Variants in PEG3 observed in about 807,000 individuals in gnomAD.
PEG3 encodes paternally-expressed gene 3 protein.
PEG3 carries 23 observed loss-of-function variants against 35.5 expected under a neutral mutation model. The observed-to-expected ratio is 0.65, with a 90% confidence interval of 0.47 to 0.92. The LOEUF (loss-of-function observed/expected upper bound fraction) is 0.92, where lower values mean the gene tolerates loss of function less well. PEG3 is among the 40% of genes least tolerant of loss of function. The pLI is 0.00. For missense variants in PEG3, 1,960 were observed against 1,985.3 expected (o/e 0.99, Z 0.24); for synonymous variants, 707 against 697.0 (o/e 1.01, Z -0.23).
In PEG3 at chr19:56,816,086, C is replaced by T. The variant is rs771509095; in HGVS notation, c.2356G>A (p.Glu786Lys). Residue 786 changes from glutamate (E) to lysine (K), a missense_variant, in exon 10 of 10, where the codon GAA becomes AAA. Physicochemically the swap from Glu to Lys is moderately conservative, Grantham distance 56. Around this residue, in one of 5 missense-constraint regions of PEG3, gnomAD observed 798 missense variants for 782.4 expected, o/e 1.02. Transcript: ENST00000326441. ...RSVIHSLASVEAQKSHSVAGP... is the reference protein window; with the variant it reads ...RSVIHSLASVKAQKSHSVAGP... The stretch of plus-strand genomic sequence containing the variant: ...GCTACACTGTGACTTTTCTGAGCTT[C>T]CACAGAGGCTAAGCTATGAATAACA... 1.9e-6 allele frequency: 3 copies of T among 1,605,018 alleles called. No individual in the cohort carries two copies. The highest frequency in any genetic ancestry group is 1.3e-5 in the African/African-American group (1 of 74,642).
rs1385156509 is a variant in PEG3, at chr19:56,815,993, T to C, written c.2449A>G (p.Arg817Gly). The C allele has an allele frequency of 6.3e-7, 1 of 1,587,652 alleles. No homozygotes were observed. The highest frequency in any genetic ancestry group is 8.6e-7 in the Non-Finnish European group (1 of 1,167,526). The part of the protein sequence containing the change: ...IQSFDAINHQ[R>G]VRAGGNTSEG... ...GAGGTGTTCCCTCCAGCACGAACTC[T>C]CTGATGGTTGATAGCATCGAAGCTC... The change falls in exon 10 of 10, where the codon AGA (arginine) becomes GGA (glycine). Residue 817 changes from arginine (R) to glycine (G), a missense_variant. Coordinates refer to ENST00000326441, the MANE Select transcript of PEG3 (RefSeq NM_006210.3).
rs1215809911 is a variant in PEG3 at position 56,810,907 on chromosome 19, T to A, written c.*2768A>T. ...ACCAATGGAGACACACATAATACAC[T>A]GTTATCAGGACATTATTATAGGGAA... is the stretch of plus-strand genomic sequence containing the variant. On this transcript the variant is annotated 3_prime_UTR_variant, in exon 10 of 10. Transcript: ENST00000326441. 2.1e-6 allele frequency: 2 copies of A among 962,798 alleles called. No homozygotes were observed. The highest frequency in any genetic ancestry group is 3.5e-5 in the African/African-American group (2 of 56,738). 59.6% of individuals were successfully genotyped at this position (962,798 alleles called of 1,614,324 possible).
chr19:56,832,184 A>G (rs979674427), intron 2 of PEG3, among the ~76,000 whole-genome samples: 1 of 152,228 alleles, frequency 6.6e-6, no homozygotes, highest in Non-Finnish European at 1.5e-5. Flanking sequence ...AACTGAATAT[A>G]AAAATGTAAG....
intron 7 of PEG3, among the ~76,000 whole-genome samples, chr19:56,821,109 AC>A (rs1367186946): frequency 6.6e-6 from 1 of 152,236 alleles, no homozygotes; most frequent in Non-Finnish European, 1.5e-5. Flanking sequence ...TGTGCCAGGT[AC>A]TTTATGTATG....
rs746076413 is a variant in PEG3 at position 56,815,473 on chromosome 19, ATCT to A, written c.2966_2968del (p.Lys989del). On this transcript the variant is annotated inframe_deletion, in exon 10 of 10. Coordinates refer to ENST00000326441, the MANE Select transcript of PEG3 (RefSeq NM_006210.3). ...TCCAGAGGGCTTCTCCCTATCATGA[ATCT>A]TCTGGTGCTCAGTGAGGTCAGAGCT... 2 of 1,614,054 alleles carry A rather than the reference ATCT, an allele frequency of 1.2e-6. No homozygotes were observed. Among genetic ancestry groups the A allele is most frequent in the East Asian group, 4.5e-5 (2 of 44,860 alleles).
intron 1 of PEG3, among the ~76,000 whole-genome samples, chr19:56,838,766 GACCA>G (rs2062534653): frequency 1.3e-5 from 2 of 152,192 alleles, no homozygotes; most frequent in Non-Finnish European, 2.9e-5. Flanking sequence ...ACAGCCTGGC[GACCA>G]GCACACACAG....
intron 2 of PEG3, among the ~76,000 whole-genome samples, chr19:56,829,832 G>A (rs112927092): frequency 6.6e-6 from 1 of 152,212 alleles, no homozygotes; most frequent in African/African-American, 2.4e-5. Flanking sequence ...CTGTGACAGC[G>A]AGTCTGGCCA....
intron 4 of PEG3, 43 bp from the exon 5 acceptor site, chr19:56,823,722 T>A (rs1294533836): frequency 1.2e-6 from 2 of 1,608,500 alleles, no homozygotes; most frequent in African/African-American, 2.7e-5. Context: ...CTGGCCCACA[T>A]TCTCACAATA....
chr19:56,833,055 G>C (rs2061726658), intron 2 of PEG3: 1 of 439,370 alleles, frequency 2.3e-6, no homozygotes, highest in African/African-American at 2.0e-5. Context: ...GAAATGATGG[G>C]TCAGTGTTCA....
rs1309378250 is a variant in PEG3 at position 56,815,455 on chromosome 19, G to A, written c.2987C>T (p.Pro996Leu). Residue 996 changes from proline to leucine, a missense_variant, in exon 10 of 10, where the codon CCC (proline) becomes CTC (leucine). Transcript: ENST00000326441. ...EHQKIHDREK[P>L]SGSRNYEWSV... ...CCATTCATAGTTTCTGCTTCCAGAG[G>A]GCTTCTCCCTATCATGAATCTTCTG... is the stretch of plus-strand genomic sequence containing the variant. The A allele has an allele frequency of 1.2e-6, 2 of 1,613,934 alleles. No homozygotes were observed. Among genetic ancestry groups the A allele is most frequent in the Non-Finnish European group, 1.7e-6 (2 of 1,179,962 alleles).
rs113789472 is a variant in PEG3, at chr19:56,823,988, G to A, written c.394+274C>T. Reference sequence around the variant, plus strand: ...AGGAGGTTTTCTCCCTTCTACAGAAGTGTCTCCTTTCCCTCTCCTGACTCA... The same window carrying A: ...AGGAGGTTTTCTCCCTTCTACAGAAATGTCTCCTTTCCCTCTCCTGACTCA... On this transcript the variant is annotated intron_variant, in intron 4 of 9. Transcript: ENST00000326441. 6.9e-3 allele frequency among the ~76,000 whole-genome samples: 1,045 copies of A among 152,234 alleles called. 5 individuals are homozygous for A. Among genetic ancestry groups the A allele is most frequent in the African/African-American group, 0.023 (969 of 41,538 alleles).
intron 1 of PEG3, among the ~76,000 whole-genome samples, chr19:56,839,354 C>T (rs944302136): frequency 4.0e-5 from 6 of 151,586 alleles, no homozygotes; most frequent in Admixed American, 2.6e-4. Context: ...CCCTCTGCTA[C>T]CAACCAACCA....
chr19:56,823,715 G>A (rs1335056543), intron 4 of PEG3, 36 bp from the exon 5 acceptor site: 1 of 1,611,186 alleles, frequency 6.2e-7, no homozygotes, highest in Non-Finnish European at 8.5e-7. Flanking sequence ...ACTATCTCTG[G>A]CCCACATTCT....
chr19:56,833,372 G>C, intron 2 of PEG3: 2 of 356,210 alleles, frequency 5.6e-6, no homozygotes, highest in South Asian at 2.1e-5. Context: ...GGACAGCGTG[G>C]TGTGTGGTCT....
intron 1 of PEG3, among the ~76,000 whole-genome samples, chr19:56,839,932 C>A (rs2062789099): frequency 6.6e-6 from 1 of 152,262 alleles, no homozygotes; most frequent in Non-Finnish European, 1.5e-5. Context: ...AAGCCTCAGC[C>A]GCCCTTATTT....
At chr19:56,817,857 T>C in intron 8 of PEG3, 22 bp from the exon 9 acceptor site, 1 of 1,602,102 alleles carries the variant, frequency 6.2e-7, no homozygotes, top group South Asian at 1.1e-5. Context: ...AAGGACAATA[T>C]GATGCCTCAA....
Position 56,818,629 on chromosome 19 carries a change from A to G in PEG3, c.743T>C (p.Met248Thr). ...GGAGAGCAGCTTCCTGTAGTTTTCC[A>G]TGTTGTCCTGGATTGTGTTGTGAGG... is the stretch of plus-strand genomic sequence containing the variant. ...RKPHNTIQDNMENYRKLLSLV... is the reference protein window; with the variant it reads ...RKPHNTIQDNTENYRKLLSLV... The change falls in exon 8 of 10, where the codon ATG (methionine) becomes ACG (threonine). Residue 248 changes from methionine (M) to threonine (T), a missense_variant. Transcript: ENST00000326441. The G allele has an allele frequency of 1.2e-6, 2 of 1,614,124 alleles. No individual in the cohort carries two copies. Among genetic ancestry groups the G allele is most frequent in the Non-Finnish European group, 1.7e-6 (2 of 1,180,020 alleles).
In PEG3 at chr19:56,814,714, T is replaced by A; in HGVS notation, c.3728A>T (p.His1243Leu). The change falls in exon 10 of 10, where the codon CAT becomes CTT. Residue 1243 changes from histidine to leucine, a missense_variant. Around this residue, in one of 5 missense-constraint regions of PEG3, gnomAD observed 124 missense variants for 179.6 expected, o/e 0.69. Coordinates refer to ENST00000326441, the MANE Select transcript of PEG3 (RefSeq NM_006210.3). This position sits in a 1 kb window ranked among gnomAD's most constrained non-coding sequence, Gnocchi z 5.8. ...ATCATCTTCCCTATGAAGTCTCATA[T>A]GCTCATTAAGGGCAGAGCTATGAAT... ...GFIHSSALNEHMRLHREDDLL... is the reference protein window; with the variant it reads ...GFIHSSALNELMRLHREDDLL... 6.2e-7 allele frequency: 1 copy of A among 1,614,106 alleles called. No individual in the cohort carries two copies. The highest frequency in any genetic ancestry group is 8.5e-7 in the Non-Finnish European group (1 of 1,179,970).
rs1262431575 is a variant in PEG3, at chr19:56,816,368, C to T, written c.2074G>A (p.Asp692Asn). The change falls in exon 10 of 10, where the codon GAT becomes AAT. Residue 692 changes from aspartate (D) to asparagine (N), a missense_variant. Physicochemically the swap from Asp to Asn is conservative, Grantham distance 23. Around this residue, in one of 5 missense-constraint regions of PEG3, gnomAD observed 798 missense variants for 782.4 expected, o/e 1.02. Coordinates refer to ENST00000326441, the MANE Select transcript of PEG3 (RefSeq NM_006210.3). ...AGCTCTGAGCTTTGCATGAAGGCAT[C>T]CCGGCCATCTGTAAAGTCACAGAGC... ...EKLCDFTDGR[D>N]AFMQSSELSE... The T allele has an allele frequency of 1.9e-6, 3 of 1,614,010 alleles. No individual in the cohort carries two copies. The highest frequency in any genetic ancestry group is 2.5e-6 in the Non-Finnish European group (3 of 1,180,016).
Sources: allele counts gnomAD v4.1 joint callset (sites outside exome capture counted in the v4.1 genomes callset), GRCh38; gene constraint gnomAD v4.1.1; regional missense constraint gnomAD v4.1.1; non-coding constraint Gnocchi (gnomAD v3.1); transcripts MANE v1.5; gene names NCBI Gene and HGNC (gene_info 2026-07-23, HGNC 2026-07-21).